The following STAT5A variants were observed in gnomAD, a reference collection of about 807,000 sequenced individuals.
STAT5A encodes epididymis secretory sperm binding protein.
Under a neutral mutation model 100.2 loss-of-function variants are expected in STAT5A, and 26 were observed. The ratio of observed to expected loss-of-function variants is 0.26; its 90% CI spans 0.19 to 0.36. STAT5A has a LOEUF of 0.36. Among genes scored for constraint, STAT5A ranks in the 10% least tolerant of loss-of-function variants. The pLI, the probability that STAT5A is intolerant of heterozygous loss-of-function variation, is 1.00. For synonymous variants in STAT5A, 330 were observed against 424.3 expected (o/e 0.78, Z 2.73); for missense variants, 634 against 1,027.5 (o/e 0.62, Z 5.24).
In STAT5A at chr17:42,299,855, G is replaced by A; in HGVS notation, c.655G>A (p.Ala219Thr). ...TCTGGAGGCCTGGTTGCAGCGTGAG[G>A]CACAGACACTGCAGCAGTACCGCGT... ...VSLEAWLQRE[A>T]QTLQQYRVEL... The change falls in exon 6 of 19, where the codon GCA becomes ACA. Residue 219 changes from alanine (A) to threonine (T), a missense_variant. Ala to Thr is a moderately conservative substitution (Grantham distance 58). Around this residue, in one of 5 missense-constraint regions of STAT5A, gnomAD observed 31 missense variants for 97.6 expected, o/e 0.32. Coordinates refer to ENST00000590949, the MANE Select transcript of STAT5A (RefSeq NM_001288718.2). 1 of 1,611,256 alleles carries A rather than the reference G, an allele frequency of 6.2e-7. No individual in the cohort carries two copies. Among genetic ancestry groups the A allele is most frequent in the Non-Finnish European group, 8.5e-7 (1 of 1,179,322 alleles).
chr17:42,292,218 G>A (rs943947515), intron 4 of STAT5A, among the ~76,000 whole-genome samples, 157 bp downstream of exon 4: 2 of 152,296 alleles, frequency 1.3e-5, no homozygotes, highest in South Asian at 2.1e-4. Flanking sequence ...ATTGCACGCC[G>A]GGGTGGAGTG....
At position 42,289,501 on chromosome 17, in the gene STAT5A, C is replaced by G; in HGVS notation, c.90C>G (p.Val30=). ...ACGGCCAGCACTTCCCCATCGAGGT[C>G]CGGCACTACTTGGCCCAGTGGATTG... ...VLYGQHFPIE[V]RHYLAQWIES... Residue 30 remains valine (V), a synonymous_variant, in exon 2 of 19, where the codon GTC becomes GTG. Coordinates refer to ENST00000590949, the MANE Select transcript of STAT5A (RefSeq NM_001288718.2). The G allele has an allele frequency of 1.2e-6, 2 of 1,613,330 alleles. No individual in the cohort carries two copies. The highest frequency in any genetic ancestry group is 1.7e-6 in the Non-Finnish European group (2 of 1,179,956).
chr17:42,298,136 A>G (rs147222136), intron 5 of STAT5A, among the ~76,000 whole-genome samples: 5,148 of 150,560 alleles, frequency 0.034, 264 homozygotes, highest in African/African-American at 0.1. Context: ...TGTGTTCCAC[A>G]TCCCCTGTGT....
chr17:42,307,031 C>T (rs2081035861), intron 13 of STAT5A, among the ~76,000 whole-genome samples: 1 of 152,002 alleles, frequency 6.6e-6, no homozygotes. Flanking sequence ...TCTGGCTCTC[C>T]TTCTGCCTCT....
At chr17:42,298,270 C>T (rs1216551574) in intron 5 of STAT5A, among the ~76,000 whole-genome samples, 1 of 151,664 alleles carries the variant, frequency 6.6e-6, no homozygotes. Flanking sequence ...AAGCAATTCT[C>T]CTGCCTCAGC....
rs1448960811 is a variant in STAT5A at position 42,304,823 on chromosome 17, A to G, written c.1380+171A>G. On this transcript the variant is annotated intron_variant, in intron 11 of 18. Transcript: ENST00000590949. The surrounding 1 kb of genome is among the most constrained non-coding windows in gnomAD (Gnocchi z 4.8). ...ACCCAGACAATTTAGGCAATGGGCT[A>G]AGAAGAAGTCGGTTGTAGTTTTTGT... Among the ~76,000 whole-genome samples the G allele has an allele frequency of 6.6e-6, 1 of 151,332 alleles. No homozygotes were observed. The highest frequency in any genetic ancestry group is 1.5e-5 in the Non-Finnish European group (1 of 68,038).
At chr17:42,297,652 A>G (rs1276413996) in intron 5 of STAT5A, among the ~76,000 whole-genome samples, 4 of 151,842 alleles carry the variant, frequency 2.6e-5, no homozygotes, top group Non-Finnish European at 4.4e-5. Flanking sequence ...CTTGCATAGG[A>G]AGGCTGGGCC....
At chr17:42,292,108 T>C (rs774577927) in intron 4 of STAT5A, 47 bp downstream of exon 4, 3 of 1,598,224 alleles carry the variant, frequency 1.9e-6, no homozygotes, top group African/African-American at 1.3e-5. Context: ...AGTCCCTCCA[T>C]ATGCCTTTCT....
In STAT5A at chr17:42,306,304, A is replaced by G. The variant is rs1311437002; in HGVS notation, c.1537A>G (p.Met513Val). 4 of 1,613,948 alleles carry G rather than the reference A, an allele frequency of 2.5e-6. No homozygotes were observed. The highest frequency in any genetic ancestry group is 1.3e-5 in the African/African-American group (1 of 74,902). ...LWPQLCEALNMKFKAEVQSNR... is the reference protein window; with the variant it reads ...LWPQLCEALNVKFKAEVQSNR... ...GCCGCAGCTGTGTGAGGCGCTCAAC[A>G]TGAAATTCAAGGCCGAAGTGCAGAG... is the stretch of plus-strand genomic sequence containing the variant. The change falls in exon 13 of 19, where the codon ATG (methionine) becomes GTG (valine). Residue 513 changes from methionine to valine, a missense_variant. Physicochemically the swap from Met to Val is conservative, Grantham distance 21. This residue lies in a region of STAT5A where 210 missense variants were observed against 428.4 expected (regional missense o/e 0.49). Coordinates refer to ENST00000590949, the MANE Select transcript of STAT5A (RefSeq NM_001288718.2).
chr17:42,306,123 T>C, intron 12 of STAT5A, 118 bp from the exon 13 acceptor site: 1 of 1,539,182 alleles, frequency 6.5e-7, no homozygotes, highest in South Asian at 1.2e-5. Context: ...TGCATTTGTG[T>C]CACCTTTCTG....
chr17:42,307,654 G>A lies in STAT5A; in HGVS notation c.1837G>A (p.Gly613Arg), dbSNP rs1286424849. ...CGACCTGCTCATCAACAAGCCCGACGGGACCTTCTTGTTGCGCTTTAGTGA... is the reference window on the plus strand; with the variant it reads ...CGACCTGCTCATCAACAAGCCCGACAGGACCTTCTTGTTGCGCTTTAGTGA... Reference protein sequence around the residue: ...AHDLLINKPDGTFLLRFSDSE... With the variant: ...AHDLLINKPDRTFLLRFSDSE... The change falls in exon 15 of 19, where the codon GGG becomes AGG. Residue 613 changes from glycine to arginine, a missense_variant. Physicochemically the swap from Gly to Arg is moderately radical, Grantham distance 125. Transcript: ENST00000590949. The A allele has an allele frequency of 6.2e-7, 1 of 1,614,046 alleles. No individual in the cohort carries two copies.
intron 11 of STAT5A, among the ~76,000 whole-genome samples, 158 bp from the exon 12 acceptor site, chr17:42,305,452 A>C (rs1315954381): frequency 6.6e-6 from 1 of 151,874 alleles, no homozygotes; most frequent in Non-Finnish European, 1.5e-5. Context: ...TGGTGAGCCG[A>C]GATTGCACCA....
intron 13 of STAT5A, among the ~76,000 whole-genome samples, 185 bp downstream of exon 13, chr17:42,306,632 C>T (rs553706049): frequency 2.0e-5 from 3 of 151,640 alleles, no homozygotes; most frequent in Admixed American, 2.0e-4. Flanking sequence ...AGGAGTTGTG[C>T]TTAGTTGTGA....
intron 5 of STAT5A, among the ~76,000 whole-genome samples, chr17:42,299,157 G>T (rs987994389): frequency 1.3e-5 from 2 of 152,144 alleles, no homozygotes; most frequent in African/African-American, 4.8e-5. Flanking sequence ...GGATGGGGCC[G>T]AGCAGCTGCT....
At chr17:42,307,345 C>T in intron 13 of STAT5A, 57 bp from the exon 14 acceptor site, 3 of 1,579,318 alleles carry the variant, frequency 1.9e-6, no homozygotes, top group South Asian at 2.3e-5. Context: ...CCTGACTTTC[C>T]TGGGCCACCT....
chr17:42,308,318 T>C lies in STAT5A; in HGVS notation c.2047T>C (p.Tyr683His). Residue 683 changes from tyrosine (Y) to histidine (H), a missense_variant, in exon 16 of 19, where the codon TAC becomes CAC. Coordinates refer to ENST00000590949, the MANE Select transcript of STAT5A (RefSeq NM_001288718.2). The surrounding 1 kb of genome is among the most constrained non-coding windows in gnomAD (Gnocchi z 4.6). Reference sequence around the variant, plus strand: ...CAAGGATGAGGTCTTCTCCAAGTACTACACTCCTGTGCTGGGTGGGTACTG... The same window carrying C: ...CAAGGATGAGGTCTTCTCCAAGTACCACACTCCTGTGCTGGGTGGGTACTG... Reference protein sequence around the residue: ...RPKDEVFSKYYTPVLAKAVDG... With the variant: ...RPKDEVFSKYHTPVLAKAVDG... 6.2e-7 allele frequency: 1 copy of C among 1,614,186 alleles called. No individual in the cohort carries two copies.
At chr17:42,290,115 T>C (rs1024894266) in intron 3 of STAT5A, 93 bp downstream of exon 3, 1 of 1,422,414 alleles carries the variant, frequency 7.0e-7, no homozygotes. Context: ...GGCCACTGAC[T>C]CACCATGTGA....
intron 1 of STAT5A, among the ~76,000 whole-genome samples, chr17:42,289,028 G>A (rs1326323178): frequency 1.3e-5 from 2 of 152,248 alleles, no homozygotes; most frequent in African/African-American, 4.8e-5. Flanking sequence ...CAGAAACCGG[G>A]CCCGAGGTGG....
intron 18 of STAT5A, chr17:42,309,812 A>G: frequency 4.0e-6 from 1 of 248,906 alleles, no homozygotes; most frequent in Admixed American, 5.0e-5. Flanking sequence ...GCATTTCCAC[A>G]GGGAGGGGCT....
Sources: allele counts gnomAD v4.1 joint callset (sites outside exome capture counted in the v4.1 genomes callset), GRCh38; gene constraint gnomAD v4.1.1; regional missense constraint gnomAD v4.1.1; non-coding constraint Gnocchi (gnomAD v3.1); transcripts MANE v1.5; gene names NCBI Gene and HGNC (gene_info 2026-07-23, HGNC 2026-07-21).